Variants in RASA3 observed in about 807,000 individuals in gnomAD.
The protein encoded by RASA3 is RAS p21 protein activator 3, also known as ras GTPase-activating protein 3.
A neutral mutation model predicts 110.0 loss-of-function variants in RASA3; 73 were observed. The observed-to-expected ratio is 0.66, with a 90% CI of 0.55 to 0.81. RASA3 has a LOEUF of 0.81. Ranked by LOEUF, RASA3 falls within the 30% of genes least tolerant of loss-of-function variation. The pLI is 0.00. For synonymous variants in RASA3, 500 were observed against 451.4 expected, an observed-to-expected ratio of 1.11 and a Z score of -1.37; for missense variants, 976 against 1,113.2, an observed-to-expected ratio of 0.88 and a Z score of 1.75.
chr13:114,050,637 A>C (rs1163115498), intron 3 of RASA3, among the ~76,000 whole-genome samples: 1 of 152,246 alleles, frequency 6.6e-6, no homozygotes, highest in Non-Finnish European at 1.5e-5. Context: ...GGCAGAGAGC[A>C]AGACTGGTCA....
chr13:114,075,536 G>A (rs2079657288), intron 1 of RASA3, among the ~76,000 whole-genome samples: 1 of 91,178 alleles, frequency 1.1e-5, no homozygotes, highest in Non-Finnish European at 2.1e-5. Flanking sequence ...TGGGTGTGGA[G>A]GCGCCGGCAG....
At chr13:114,047,490 G>T (rs2139523510) in intron 3 of RASA3, among the ~76,000 whole-genome samples, 1 of 152,316 alleles carries the variant, frequency 6.6e-6, no homozygotes, top group South Asian at 2.1e-4. Context: ...GACACGGTTG[G>T]GTAGTTTTAA....
chr13:114,031,311 A>C (rs879748826), intron 4 of RASA3, among the ~76,000 whole-genome samples: 10 of 143,884 alleles, frequency 7.0e-5, no homozygotes, highest in Non-Finnish European at 1.2e-4. Context: ...GCCTGTCTGT[A>C]TGTGCATCTG....
At chr13:114,050,069 T>C (rs569830980) in intron 3 of RASA3, among the ~76,000 whole-genome samples, 12 of 152,286 alleles carry the variant, frequency 7.9e-5, no homozygotes, top group South Asian at 2.1e-4. Flanking sequence ...TGCCAGCCAC[T>C]AGCCCTGGAG....
At chr13:114,106,852 C>A (rs757142088) in intron 1 of RASA3, among the ~76,000 whole-genome samples, 1 of 152,158 alleles carries the variant, frequency 6.6e-6, no homozygotes, top group African/African-American at 2.4e-5. Flanking sequence ...GAAAGCTCTG[C>A]GTATGTTTAA....
chr13:114,012,071 G>C (rs1046266126), intron 15 of RASA3, among the ~76,000 whole-genome samples: 1 of 151,964 alleles, frequency 6.6e-6, no homozygotes, highest in African/African-American at 2.4e-5. Flanking sequence ...TTGGGGCCTG[G>C]AGAAAATCAG....
intron 1 of RASA3, among the ~76,000 whole-genome samples, chr13:114,102,368 T>C (rs892095212): frequency 6.8e-6 from 1 of 146,778 alleles, no homozygotes; most frequent in African/African-American, 2.5e-5. Flanking sequence ...AGAGCGAGAG[T>C]GAAGGAGGAA....
At chr13:114,132,334 C>T in intron 1 of RASA3, 101 bp downstream of exon 1, 1 of 1,252,324 alleles carries the variant, frequency 8.0e-7, no homozygotes, top group African/African-American at 1.6e-5. Flanking sequence ...GAGGGCGTCT[C>T]CGCCGGGGTC....
chr13:114,132,552 C>T lies in RASA3; in HGVS notation c.-63G>A. 1 of 1,279,474 alleles carries T rather than the reference C, an allele frequency of 7.8e-7. No individual in the cohort carries two copies. The highest frequency in any genetic ancestry group is 9.9e-7 in the Non-Finnish European group (1 of 1,012,912). The allele number at this position is 1,279,474 out of a possible 1,614,324, so 79.3% of individuals were successfully genotyped here. ...CGCGCCGAGCCCGGGCAGCTCAGGC[C>T]GAGCAGGAGGAGCGGCGGCGCCGGA... On this transcript the variant is annotated 5_prime_UTR_variant, in exon 1 of 24. Coordinates refer to ENST00000334062, the MANE Select transcript of RASA3 (RefSeq NM_007368.4).
At chr13:114,023,157 G>T (rs9590526) in intron 8 of RASA3, among the ~76,000 whole-genome samples, 1 of 152,142 alleles carries the variant, frequency 6.6e-6, no homozygotes, top group Non-Finnish European at 1.5e-5. Flanking sequence ...TGGGAGGGAG[G>T]GTGACCAGGG....
intron 1 of RASA3, among the ~76,000 whole-genome samples, chr13:114,117,847 G>T (rs572629805): frequency 6.9e-5 from 10 of 144,254 alleles, no homozygotes; most frequent in African/African-American, 2.1e-4. Flanking sequence ...TGCATGCAAT[G>T]CTCCTGTATG....
At chr13:114,043,594 G>A (rs1030317135) in intron 3 of RASA3, among the ~76,000 whole-genome samples, 4 of 152,176 alleles carry the variant, frequency 2.6e-5, no homozygotes, top group African/African-American at 4.8e-5. Flanking sequence ...GACATACACA[G>A]GCCATCTGGA....
intron 1 of RASA3, among the ~76,000 whole-genome samples, chr13:114,093,531 T>A (rs1228441274): frequency 2.0e-5 from 3 of 150,780 alleles, no homozygotes; most frequent in Non-Finnish European, 1.5e-5. Context: ...TAGTATGTCT[T>A]ATTCTTATTT....
intron 2 of RASA3, among the ~76,000 whole-genome samples, chr13:114,060,243 CAG>C (rs1310909087): frequency 6.6e-6 from 1 of 152,176 alleles, no homozygotes; most frequent in African/African-American, 2.4e-5. Flanking sequence ...GGTCAGAGGT[CAG>C]GGTGCAGCCG....
In RASA3 at chr13:113,991,943, TCA is replaced by T. The variant is rs750318461; in HGVS notation, c.2245+540_2245+541del. 2.4e-3 allele frequency among the ~76,000 whole-genome samples: 369 copies of T among 151,654 alleles called. 1 individual carries two copies. Among genetic ancestry groups the T allele is most frequent in the Non-Finnish European group, 4.0e-3 (269 of 67,988 alleles). On this transcript the variant is annotated intron_variant, in intron 22 of 23. Transcript: ENST00000334062. Reference sequence around the variant, plus strand: ...TCTCATACATGTCATGTCCATACATTCACACACACTCACACACGTCCATTCAT... The same window carrying T: ...TCTCATACATGTCATGTCCATACATTCACACACTCACACACGTCCATTCAT...
intron 2 of RASA3, among the ~76,000 whole-genome samples, chr13:114,068,288 G>A (rs2079489956): frequency 6.6e-6 from 1 of 152,258 alleles, no homozygotes; most frequent in Non-Finnish European, 1.5e-5. Context: ...AGGGGGTAGG[G>A]TCAGACCCAG....
intron 1 of RASA3, among the ~76,000 whole-genome samples, chr13:114,089,513 C>T (rs1029240721): frequency 3.9e-5 from 6 of 152,052 alleles, no homozygotes; most frequent in Non-Finnish European, 8.8e-5. Flanking sequence ...AACTAAGGAA[C>T]GCCTTTAGCC....
At chr13:114,075,141 C>T (rs1217284846) in intron 1 of RASA3, among the ~76,000 whole-genome samples, 1 of 152,222 alleles carries the variant, frequency 6.6e-6, no homozygotes, top group Non-Finnish European at 1.5e-5. Flanking sequence ...TGGCGCCACT[C>T]AGGGCCACAT....
chr13:114,017,431 C>G (rs1008242937), intron 11 of RASA3, 80 bp from the exon 12 acceptor site: 1 of 1,180,396 alleles, frequency 8.5e-7, no homozygotes, highest in Admixed American at 1.7e-5. Flanking sequence ...CCCCGAGCAC[C>G]TGCCTGTGGG....
Sources: gnomAD v4.1 joint callset for allele counts (sites outside exome capture counted in the v4.1 genomes callset) on GRCh38, gnomAD v4.1.1 for gene constraint, MANE v1.5 for transcripts, NCBI Gene and HGNC (gene_info 2026-07-23, HGNC 2026-07-21) for gene names.